The following PPM1E variants were observed in gnomAD, a reference collection of about 807,000 sequenced individuals.
The protein encoded by PPM1E is protein phosphatase, Mg2+/Mn2+ dependent 1E.
PPM1E carries 20 observed loss-of-function variants against 65.9 expected under a neutral mutation model. That is an observed-to-expected ratio of 0.30 (90% CI 0.21 to 0.44). The LOEUF (loss-of-function observed/expected upper bound fraction) is 0.44, where lower values mean the gene tolerates loss of function less well. Ranked by LOEUF, PPM1E falls within the 20% of genes least tolerant of loss-of-function variation. The pLI is 1.00. For missense variants in PPM1E, 713 were observed against 953.1 expected (o/e 0.75, Z 3.32); for synonymous variants, 352 against 374.9 (o/e 0.94, Z 0.70).
At chr17:58,908,988 A>C (rs2051591334) in intron 1 of PPM1E, among the ~76,000 whole-genome samples, 1 of 152,162 alleles carries the variant, frequency 6.6e-6, no homozygotes, top group South Asian at 2.1e-4. Flanking sequence ...TGCATAATCA[A>C]ATGTATTGTT....
chr17:58,929,836 A>C (rs2051869329), intron 1 of PPM1E, among the ~76,000 whole-genome samples: 1 of 152,160 alleles, frequency 6.6e-6, no homozygotes, highest in Non-Finnish European at 1.5e-5. Context: ...ACCAATAGAG[A>C]TACAACTGGG....
intron 1 of PPM1E, among the ~76,000 whole-genome samples, chr17:58,900,853 A>G (rs1056364471): frequency 3.9e-5 from 6 of 152,218 alleles, no homozygotes; most frequent in African/African-American, 1.4e-4. Flanking sequence ...GATCTAGGTT[A>G]TGCTCATCTT....
Position 58,980,751 on chromosome 17 carries a change from G to C in PPM1E, c.1988G>C (p.Arg663Thr). The change falls in exon 7 of 7, where the codon AGA becomes ACA. Residue 663 changes from arginine to threonine, a missense_variant. Physicochemically the swap from Arg to Thr is moderately conservative, Grantham distance 71 (BLOSUM62 -1). Around this residue, in one of 6 missense-constraint regions of PPM1E, gnomAD observed 286 missense variants for 313.8 expected, o/e 0.91. Transcript: ENST00000308249. This position sits in a 1 kb window ranked among gnomAD's most constrained non-coding sequence, Gnocchi z 4.7. ...ENEQFKSPGN[R>T]VSRLSHLRHH... ...GAACAGTTCAAATCCCCGGGAAACA[G>C]AGTTTCTAGATTGTCTCATTTACGC... 1 of 1,614,146 alleles carries C rather than the reference G, an allele frequency of 6.2e-7. No homozygotes were observed. Among genetic ancestry groups the C allele is most frequent in the African/African-American group, 1.3e-5 (1 of 75,048 alleles).
chr17:58,984,583 G>A lies in PPM1E; in HGVS notation c.*3552G>A, dbSNP rs1417650671. 1 of 152,506 alleles carries A rather than the reference G, an allele frequency of 6.6e-6. No individual in the cohort carries two copies. The highest frequency in any genetic ancestry group is 1.5e-5 in the Non-Finnish European group (1 of 68,014). 9.4% of individuals were successfully genotyped at this position (152,506 alleles called of 1,614,324 possible). ...TTCTTTGAATCGTAAGTTAGCAAAA[G>A]AAATTTTTTTCACCTTTGAAAATCA... On this transcript the variant is annotated 3_prime_UTR_variant, in exon 7 of 7. Coordinates refer to ENST00000308249, the MANE Select transcript of PPM1E (RefSeq NM_014906.5).
At chr17:58,828,342 C>T (rs2143166294) in intron 1 of PPM1E, among the ~76,000 whole-genome samples, 1 of 152,104 alleles carries the variant, frequency 6.6e-6, no homozygotes. Context: ...ATTCTCAAGT[C>T]CTCCTTGGAA....
At chr17:58,881,996 CAAAAAAAAAA>C (rs58449667) in intron 1 of PPM1E, among the ~76,000 whole-genome samples, 1 of 62,256 alleles carries the variant, frequency 1.6e-5, no homozygotes, top group Non-Finnish European at 3.0e-5. Context: ...CCTGTCTCTA[CAAAAAAAAAA>C]AAAAAAAAAA....
At chr17:58,845,271 C>T (rs1337660658) in intron 1 of PPM1E, among the ~76,000 whole-genome samples, 4 of 147,760 alleles carry the variant, frequency 2.7e-5, no homozygotes, top group Non-Finnish European at 5.9e-5. Context: ...ATTCATTCCT[C>T]TACAGTTCTG....
chr17:58,977,281 A>G (rs1195989516), intron 6 of PPM1E, among the ~76,000 whole-genome samples: 1 of 152,006 alleles, frequency 6.6e-6, no homozygotes, highest in Admixed American at 6.6e-5. Flanking sequence ...TGTCTCTACT[A>G]AAAACACAAA....
chr17:58,974,994 A>C (rs543284128), intron 6 of PPM1E, among the ~76,000 whole-genome samples: 1 of 152,340 alleles, frequency 6.6e-6, no homozygotes, highest in South Asian at 2.1e-4. Flanking sequence ...CATTTCTAAA[A>C]TATACCCTTA....
At chr17:58,845,825 C>T (rs1166953788) in intron 1 of PPM1E, among the ~76,000 whole-genome samples, 3 of 152,150 alleles carry the variant, frequency 2.0e-5, no homozygotes, top group Non-Finnish European at 2.9e-5. Context: ...GGACTACAGG[C>T]GTGCGCCATC....
intron 1 of PPM1E, among the ~76,000 whole-genome samples, chr17:58,907,063 C>T (rs775152714): frequency 2.6e-5 from 4 of 151,986 alleles, no homozygotes; most frequent in African/African-American, 9.7e-5. Flanking sequence ...AGTGAAACCC[C>T]GTGTCTACTA....
intron 1 of PPM1E, among the ~76,000 whole-genome samples, chr17:58,781,836 A>G (rs1037964727): frequency 2.6e-5 from 4 of 152,038 alleles, no homozygotes; most frequent in African/African-American, 7.2e-5. Context: ...CAGTGAGCCA[A>G]GATCACGCCT....
intron 1 of PPM1E, among the ~76,000 whole-genome samples, chr17:58,930,554 C>A: frequency 6.6e-6 from 1 of 152,094 alleles, no homozygotes; most frequent in Admixed American, 6.5e-5. Flanking sequence ...AAAACTTAAT[C>A]TTATAAACAC....
chr17:58,878,423 T>C (rs1445151964), intron 1 of PPM1E, among the ~76,000 whole-genome samples: 2 of 151,684 alleles, frequency 1.3e-5, no homozygotes, highest in East Asian at 4.0e-4. Flanking sequence ...TTTGTATTTT[T>C]AGTAGAAATG....
intron 1 of PPM1E, among the ~76,000 whole-genome samples, chr17:58,876,817 C>T (rs529818909): frequency 2.0e-5 from 3 of 152,072 alleles, no homozygotes; most frequent in Non-Finnish European, 4.4e-5. Context: ...GGAGTCTGGC[C>T]CTGTCCGCCA....
intron 1 of PPM1E, among the ~76,000 whole-genome samples, chr17:58,802,974 A>G (rs1037600101): frequency 1.3e-5 from 2 of 152,174 alleles, no homozygotes; most frequent in African/African-American, 4.8e-5. Context: ...GCCATCTGCA[A>G]ACAGAGTCAA....
chr17:58,771,004 A>G (rs1306325320), intron 1 of PPM1E, among the ~76,000 whole-genome samples: 4 of 151,812 alleles, frequency 2.6e-5, no homozygotes, highest in African/African-American at 7.3e-5. Context: ...CTACAGGCGC[A>G]TGCCACCACG....
At chr17:58,756,725 C>G (rs2049770754) in intron 1 of PPM1E, among the ~76,000 whole-genome samples, 1 of 152,122 alleles carries the variant, frequency 6.6e-6, no homozygotes, top group African/African-American at 2.4e-5. Flanking sequence ...CGGCGCCCTC[C>G]CGCCGGGCCC....
At chr17:58,845,304 T>C (rs2050760130) in intron 1 of PPM1E, among the ~76,000 whole-genome samples, 1 of 151,972 alleles carries the variant, frequency 6.6e-6, no homozygotes, top group Admixed American at 6.6e-5. Context: ...GGTTGGTTTT[T>C]TTTTTTTTTC....
Sources: allele counts gnomAD v4.1 joint callset (sites outside exome capture counted in the v4.1 genomes callset), GRCh38; gene constraint gnomAD v4.1.1; regional missense constraint gnomAD v4.1.1; non-coding constraint Gnocchi (gnomAD v3.1); transcripts MANE v1.5; gene names NCBI Gene and HGNC (gene_info 2026-07-23, HGNC 2026-07-21).